The following NBEAL2 variants were observed in gnomAD, a reference collection of about 807,000 sequenced individuals.
The protein encoded by NBEAL2 is neurobeachin like 2, also known as neurobeachin-like protein 2.
A neutral mutation model predicts 299.8 loss-of-function variants in NBEAL2; 160 were observed. The observed-to-expected ratio is 0.53, with a 90% CI of 0.47 to 0.61. The LOEUF (loss-of-function observed/expected upper bound fraction) is 0.61. NBEAL2 is among the 20% of genes least tolerant of loss of function. The probability of loss-of-function intolerance (pLI) is 0.00; values close to 1 mark genes in which losing one functional copy is unlikely to be tolerated. For missense variants in NBEAL2, 3,112 were observed against 3,649.0 expected (o/e 0.85, Z 3.79); for synonymous variants, 1,493 against 1,542.3 (o/e 0.97, Z 0.75).
In NBEAL2 at chr3:46,989,633, A is replaced by T. The variant is rs1365802888; in HGVS notation, c.556+40A>T. On this transcript the variant is annotated intron_variant, in intron 6 of 53. Coordinates refer to ENST00000450053, the MANE Select transcript of NBEAL2 (RefSeq NM_015175.3). The surrounding 1 kb of genome is among the most constrained non-coding windows in gnomAD (Gnocchi z 5.5). ...CTGCCCCCACTTGGCTCCACCCCCA[A>T]ACCTAGGCCCCTTCCTGTCGTTCCT... 4.6e-6 allele frequency: 7 copies of T among 1,514,644 alleles called. No individual in the cohort carries two copies. In the South Asian group the frequency reaches 8.4e-5, roughly 18 times the overall value. 93.8% of individuals were successfully genotyped at this position (1,514,644 alleles called of 1,614,324 possible). A position where few individuals can be genotyped will look rare whatever the true frequency, so the allele number is the denominator to read the frequency against.
intron 1 of NBEAL2, among the ~76,000 whole-genome samples, chr3:46,983,806 C>T (rs983891553): frequency 9.2e-5 from 14 of 152,038 alleles, no homozygotes; most frequent in Non-Finnish European, 1.5e-4. Context: ...GTTATGACAA[C>T]TGGGGAGCTG....
In NBEAL2 at chr3:46,991,748, T is replaced by C; in HGVS notation, c.925+60T>C. On this transcript the variant is annotated intron_variant, in intron 8 of 53. Transcript: ENST00000450053. The surrounding 1 kb of genome is among the most constrained non-coding windows in gnomAD (Gnocchi z 6.2). ...CACCATGAGGGAAAAGCCTAAGTGATGATGGAAGGTCTGGATAGGGCAGCA... is the reference window on the plus strand; with the variant it reads ...CACCATGAGGGAAAAGCCTAAGTGACGATGGAAGGTCTGGATAGGGCAGCA... 1 of 1,567,826 alleles carries C rather than the reference T, an allele frequency of 6.4e-7. No individual in the cohort carries two copies. Among genetic ancestry groups the C allele is most frequent in the East Asian group, 2.4e-5 (1 of 42,482 alleles).
At position 47,008,673 on chromosome 3, in the gene NBEAL2, G is replaced by GC; in HGVS notation, c.8027+11dup. The GC allele has an allele frequency of 6.2e-7, 1 of 1,613,070 alleles. No homozygotes were observed. The stretch of plus-strand genomic sequence containing the variant: ...GCACATCCTCCAACTAAACACGTAA[G>GC]CCCCCCATTTATGGGTTCATGGCCC... On this transcript the variant is annotated splice_donor_region_variant and intron_variant, in intron 52 of 53. Transcript: ENST00000450053.
Position 46,997,664 on chromosome 3 carries a change from G to A in NBEAL2, c.2928G>A (p.Gly976=), listed in dbSNP as rs962495672. The A allele has an allele frequency of 6.4e-7, 1 of 1,564,450 alleles. No homozygotes were observed. The highest frequency in any genetic ancestry group is 8.7e-7 in the Non-Finnish European group (1 of 1,151,198). The change falls in exon 20 of 54, where the codon GGG becomes GGA. Residue 976 remains glycine, a synonymous_variant. Coordinates refer to ENST00000450053, the MANE Select transcript of NBEAL2 (RefSeq NM_015175.3). ...VNQESLVQCQ[G]PAIIGALLRK... The stretch of plus-strand genomic sequence containing the variant: ...AAGAGAGCCTGGTGCAGTGCCAGGG[G>A]CCTGCCATCATCGGGGCCCTCCTGC...
In NBEAL2 at chr3:47,001,548, C is replaced by T; in HGVS notation, c.4644+110C>T. The T allele has an allele frequency of 9.7e-6, 15 of 1,550,330 alleles. No homozygotes were observed. Among genetic ancestry groups the T allele is most frequent in the Non-Finnish European group, 1.3e-5 (15 of 1,144,038 alleles). ...TACACGTGCGCAGGTGTGGGTGCAT[C>T]AGCATGAATGCCTGTGAGTGTGGAC... On this transcript the variant is annotated intron_variant, in intron 29 of 53. Transcript: ENST00000450053. The surrounding 1 kb of genome is among the most constrained non-coding windows in gnomAD (Gnocchi z 6.1).
chr3:46,989,228 G>A lies in NBEAL2; in HGVS notation c.352-32G>A, dbSNP rs1224245553. On this transcript the variant is annotated intron_variant, in intron 4 of 53. Coordinates refer to ENST00000450053, the MANE Select transcript of NBEAL2 (RefSeq NM_015175.3). The surrounding 1 kb of genome is among the most constrained non-coding windows in gnomAD (Gnocchi z 5.5). ...TGCAGGGAGGCAGGCGGTAGCCATG[G>A]CGGGGCTAACCCTCTCTCCCCACAC... The A allele has an allele frequency of 3.1e-6, 5 of 1,612,482 alleles. No homozygotes were observed. In the African/African-American group the frequency reaches 4.0e-5, roughly 13 times the overall value.
chr3:47,005,882 C>G, intron 42 of NBEAL2, 35 bp downstream of exon 42: 1 of 1,612,504 alleles, frequency 6.2e-7, no homozygotes, highest in Non-Finnish European at 8.5e-7. Flanking sequence ...GGCAGGCAGC[C>G]GGGGTTCTGA....
rs771952228 is a variant in NBEAL2 at position 46,998,457 on chromosome 3, G to A, written c.3119-6G>A. ...TGGCCTGAGCCCTCTGCTCATTCCC[G>A]CTCAGGTCACATCCAGTACATGTCC... On this transcript the variant is annotated splice_region_variant and splice_polypyrimidine_tract_variant and intron_variant, in intron 21 of 53. Transcript: ENST00000450053. 32 of 1,610,306 alleles carry A rather than the reference G, an allele frequency of 2.0e-5. No individual in the cohort carries two copies. Among genetic ancestry groups the A allele is most frequent in the East Asian group, 8.9e-5 (4 of 44,776 alleles).
chr3:47,004,885 C>T lies in NBEAL2; in HGVS notation c.6295-87C>T. 1.3e-6 allele frequency: 2 copies of T among 1,534,976 alleles called. No individual in the cohort carries two copies. The highest frequency in any genetic ancestry group is 1.8e-6 in the Non-Finnish European group (2 of 1,138,136). On this transcript the variant is annotated intron_variant, in intron 38 of 53. Coordinates refer to ENST00000450053, the MANE Select transcript of NBEAL2 (RefSeq NM_015175.3). This position sits in a 1 kb window ranked among gnomAD's most constrained non-coding sequence, Gnocchi z 5.0. ...CCCCAACCTGTGGGCAGGCTCTGTG[C>T]CCGCCTTCTTGAGGGTGTGGGCAGG... is the stretch of plus-strand genomic sequence containing the variant.
intron 1 of NBEAL2, among the ~76,000 whole-genome samples, chr3:46,984,991 G>A (rs1440199476): frequency 6.6e-6 from 1 of 152,208 alleles, no homozygotes; most frequent in Non-Finnish European, 1.5e-5. Context: ...ACAAGCTACT[G>A]AGAGTTAGAA....
chr3:47,006,701 CCCTTCCATCG>C (rs2037472950), intron 45 of NBEAL2, among the ~76,000 whole-genome samples: 1 of 152,146 alleles, frequency 6.6e-6, no homozygotes, highest in Admixed American at 6.5e-5. Flanking sequence ...GTCCTTGGAC[CCCTTCCATCG>C]CCTTCCTAGA....
chr3:47,005,884 G>A lies in NBEAL2; in HGVS notation c.6801+37G>A, dbSNP rs201581329. ...ACCACAGGCAAACGGCAGGCAGCCG[G>A]GGTTCTGAAGATCATGGGGGGTCAG... On this transcript the variant is annotated intron_variant, in intron 42 of 53. Coordinates refer to ENST00000450053, the MANE Select transcript of NBEAL2 (RefSeq NM_015175.3). The A allele has an allele frequency of 5.5e-5, 89 of 1,612,548 alleles. No homozygotes were observed. In the African/African-American group the frequency reaches 1.1e-3, roughly 21 times the overall value.
intron 45 of NBEAL2, 33 bp downstream of exon 45, chr3:47,006,482 C>T (rs1413013487): frequency 6.5e-7 from 1 of 1,539,928 alleles, no homozygotes. Flanking sequence ...ACTTTATATT[C>T]TGTGAAATGG....
At position 46,991,380 on chromosome 3, in the gene NBEAL2, C is replaced by T. The variant is rs775398345; in HGVS notation, c.643-26C>T. 1.3e-6 allele frequency: 2 copies of T among 1,588,768 alleles called. No homozygotes were observed. The highest frequency in any genetic ancestry group is 1.7e-6 in the Non-Finnish European group (2 of 1,166,860). ...CTCTGCTGGGTGAGCCCCTTGCCCA[C>T]TGCCCATCTCTGTCCACACCTGCAG... On this transcript the variant is annotated intron_variant, in intron 7 of 53. Coordinates refer to ENST00000450053, the MANE Select transcript of NBEAL2 (RefSeq NM_015175.3). This position sits in a 1 kb window ranked among gnomAD's most constrained non-coding sequence, Gnocchi z 6.2.
At chr3:46,994,593 C>T (rs2036340626) in intron 12 of NBEAL2, 40 bp downstream of exon 12, 1 of 1,511,886 alleles carries the variant, frequency 6.6e-7, no homozygotes, top group East Asian at 2.4e-5. Flanking sequence ...CAAAGGCAAC[C>T]AGAACTGAGT....
At position 46,999,971 on chromosome 3, in the gene NBEAL2, T is replaced by C; in HGVS notation, c.3872T>C (p.Leu1291Pro). The C allele has an allele frequency of 6.2e-7, 1 of 1,612,154 alleles. No individual in the cohort carries two copies. The change falls in exon 27 of 54, where the codon CTA becomes CCA. Residue 1291 changes from leucine (L) to proline (P), a missense_variant. Physicochemically the swap from Leu to Pro is moderately conservative, Grantham distance 98. This residue lies in a region of NBEAL2 where 2,243 missense variants were observed against 2,538.1 expected (regional missense o/e 0.88). Transcript: ENST00000450053. ...GGCTGGCAAGATGTGCTGACCCGGC[T>C]ATATGTCCTGGAGGCTGCCACAGCC... is the stretch of plus-strand genomic sequence containing the variant. The part of the protein sequence containing the change: ...QAGWQDVLTR[L>P]YVLEAATAGS...
chr3:46,992,429 T>A, intron 9 of NBEAL2, 46 bp from the exon 10 acceptor site: 1 of 1,530,926 alleles, frequency 6.5e-7, no homozygotes, highest in Non-Finnish European at 8.9e-7. Flanking sequence ...ATCTTCCTCC[T>A]CTCTTCTTTG....
chr3:47,009,685 C>T lies in NBEAL2; in HGVS notation c.*365C>T, dbSNP rs1365147595. On this transcript the variant is annotated 3_prime_UTR_variant, in exon 54 of 54. Coordinates refer to ENST00000450053, the MANE Select transcript of NBEAL2 (RefSeq NM_015175.3). ...CCGGTTCTCCCTTCTCGGCAATAAA[C>T]CAGGCCTAGTTTTGTAGCTGCTCCG... 1 of 283,490 alleles carries T rather than the reference C, an allele frequency of 3.5e-6. No individual in the cohort carries two copies. The highest frequency in any genetic ancestry group is 6.7e-6 in the Non-Finnish European group (1 of 148,938). The allele number at this position is 283,490 out of a possible 1,614,324, so 17.6% of individuals were successfully genotyped here.
intron 1 of NBEAL2, among the ~76,000 whole-genome samples, chr3:46,985,464 G>A (rs2035616551): frequency 1.3e-5 from 2 of 152,266 alleles, no homozygotes; most frequent in Non-Finnish European, 2.9e-5. Flanking sequence ...AGCCCTCCAG[G>A]TTACTTCAGA....
Sources: allele counts gnomAD v4.1 joint callset (sites outside exome capture counted in the v4.1 genomes callset), GRCh38; gene constraint gnomAD v4.1.1; regional missense constraint gnomAD v4.1.1; non-coding constraint Gnocchi (gnomAD v3.1); transcripts MANE v1.5; gene names NCBI Gene and HGNC (gene_info 2026-07-23, HGNC 2026-07-21).